ADGRD2: variants seen among roughly 807,000 people sequenced by gnomAD.
ADGRD2 encodes G protein-coupled receptor PGR24.
ADGRD2 carries 71 observed loss-of-function variants against 44.4 expected under a neutral mutation model. The ratio of observed to expected loss-of-function variants is 1.60; its 90% CI spans 1.32 to 1.95. The LOEUF is 1.95. ADGRD2 is among the 30% of genes most tolerant of loss of function. The pLI, the probability that ADGRD2 is intolerant of heterozygous loss-of-function variation, is 0.00. For missense variants in ADGRD2, 1,039 were observed against 512.4 expected (o/e 2.03, Z -9.92); for synonymous variants, 481 against 224.8 (o/e 2.14, Z -10.19).
At chr9:124,477,307 C>G (rs7869188) in intron 21 of ADGRD2, among the ~76,000 whole-genome samples, 11,617 of 152,226 alleles carry the variant, frequency 0.076, 1,255 homozygotes, top group African/African-American at 0.24. Context: ...GGGAGCCATG[C>G]GGACCCTGAC....
At chr9:124,461,082 T>C (rs1831716030) in intron 10 of ADGRD2, among the ~76,000 whole-genome samples, 2 of 152,236 alleles carry the variant, frequency 1.3e-5, no homozygotes, top group African/African-American at 4.8e-5. Flanking sequence ...ATACACTTAT[T>C]AAGCAGTCAT....
rs188478242 is a variant in ADGRD2, at chr9:124,459,997, C to T, written c.1870+1276C>T. 6.8e-3 allele frequency among the ~76,000 whole-genome samples: 1,033 copies of T among 152,090 alleles called. 3 individuals are homozygous for T. Among genetic ancestry groups the T allele is most frequent in the Admixed American group, 0.019 (290 of 15,254 alleles). ...CCAAGATATGTTAAATTTCATTTCA[C>T]GCTTAATACACAAATTTCTTCTCCC... On this transcript the variant is annotated intron_variant, in intron 10 of 21. Coordinates refer to ENST00000334810, the Ensembl canonical transcript of ADGRD2.
exon 8 of ADGRD2, chr9:124,457,587 G>C: frequency 1.5e-6 from 1 of 667,450 alleles, no homozygotes; most frequent in South Asian, 1.6e-5. Flanking sequence ...CGAGTGAAGT[G>C]AGGCGACTCC....
At chr9:124,477,204 A>G in intron 21 of ADGRD2, 1 of 385,680 alleles carries the variant, frequency 2.6e-6, no homozygotes, top group Non-Finnish European at 5.2e-6. Context: ...ACGGGGGCTG[A>G]GCAGTGGCAG....
intron 10 of ADGRD2, among the ~76,000 whole-genome samples, chr9:124,462,507 G>A (rs1041504537): frequency 6.6e-6 from 1 of 152,160 alleles, no homozygotes; most frequent in African/African-American, 2.4e-5. Context: ...ATCAATTTGG[G>A]AGAACTGGCA....
exon 22 of ADGRD2, chr9:124,478,302 A>C (rs1218476967): frequency 1.3e-5 from 2 of 152,328 alleles, no homozygotes; most frequent in Non-Finnish European, 2.9e-5. Context: ...GTGGCTGGGA[A>C]ACTCGTCGCC....
In ADGRD2 at chr9:124,474,726, G is replaced by A. The variant is rs1832012888; in HGVS notation, c.2759-720G>A. Among the ~76,000 whole-genome samples, 9 of 152,198 alleles carry A rather than the reference G, an allele frequency of 5.9e-5. No homozygotes were observed. In the South Asian group the frequency reaches 1.9e-3, roughly 31 times the overall value. On this transcript the variant is annotated intron_variant, in intron 17 of 21. Coordinates refer to ENST00000334810, the Ensembl canonical transcript of ADGRD2. ...AGGGCTGGGCCACACTGGAGCTTAG[G>A]ATCCATTCCTCTGCCCCCCACCCAC...
At chr9:124,453,427 C>A in exon 3 of ADGRD2, 1 of 647,652 alleles carries the variant, frequency 1.5e-6, no homozygotes. Context: ...CCACCCGGTG[C>A]CGTCCGGCGG....
chr9:124,456,848 C>T, intron 7 of ADGRD2, 115 bp downstream of exon 10: 2 of 668,636 alleles, frequency 3.0e-6, no homozygotes, highest in East Asian at 2.7e-5. Context: ...TGCCTTTGCC[C>T]ATGCTGTGCC....
chr9:124,472,444 GTTTGTTTGTTTGTTT>G lies in ADGRD2; in HGVS notation c.2758+1842_2758+1856del, dbSNP rs796542907. ...CTGACACTGGTTTGTTTTTTTGTTT[GTTTGTTTGTTTGTTT>G]TTTGTTTGTTTTTTGTTTTTGTTTT... On this transcript the variant is annotated intron_variant, in intron 17 of 21. Transcript: ENST00000334810. 6.6e-3 allele frequency among the ~76,000 whole-genome samples: 984 copies of G among 149,328 alleles called. 3 individuals are homozygous for G. The highest frequency in any genetic ancestry group is 0.012 in the African/African-American group (457 of 39,426).
intron 13 of ADGRD2, 68 bp from the exon 17 acceptor site, chr9:124,468,451 G>T: frequency 1.4e-6 from 1 of 714,574 alleles, no homozygotes. Flanking sequence ...GGCTGGGCAT[G>T]GGCCGCGGGG....
exon 19 of ADGRD2, chr9:124,475,598 G>A (rs1237603036): frequency 2.9e-6 from 2 of 689,190 alleles, no homozygotes; most frequent in African/African-American, 1.8e-5. Context: ...GAGGATGGCT[G>A]AGAAGAAGGT....
Position 124,468,516 on chromosome 9 carries a change from C to T in ADGRD2, c.2234-3C>T. 1 of 718,518 alleles carries T rather than the reference C, an allele frequency of 1.4e-6. No individual in the cohort carries two copies. Among genetic ancestry groups the T allele is most frequent in the Non-Finnish European group, 2.6e-6 (1 of 385,096 alleles). The allele number at this position is 718,518 out of a possible 1,614,324, so 44.5% of individuals were successfully genotyped here. A position where few individuals can be genotyped will look rare whatever the true frequency, so the allele number is the denominator to read the frequency against. On this transcript the variant is annotated splice_polypyrimidine_tract_variant and splice_region_variant and intron_variant, in intron 13 of 21. Transcript: ENST00000334810. ...CTGGGTGGGGATCCTGACCCTCCCACAGGTGGCATGTGTGGCTGTCACAGT... is the reference window on the plus strand; with the variant it reads ...CTGGGTGGGGATCCTGACCCTCCCATAGGTGGCATGTGTGGCTGTCACAGT...
chr9:124,465,607 C>T (rs1831805781), intron 10 of ADGRD2: 1 of 152,164 alleles, frequency 6.6e-6, no homozygotes, highest in South Asian at 2.1e-4. Flanking sequence ...CCACCTCAGC[C>T]TCCCAAAGTG....
Position 124,454,086 on chromosome 9 carries a change from G to T in ADGRD2, c.1013G>T (p.Cys338Phe). Residue 338 changes from cysteine (C) to phenylalanine (F), a missense_variant, in exon 4 of 22, where the codon TGC becomes TTC. Physicochemically the swap from Cys to Phe is radical, Grantham distance 205 (BLOSUM62 -2). Transcript: ENST00000334810. The surrounding 1 kb of genome is among the most constrained non-coding windows in gnomAD (Gnocchi z 4.5). ...CTGGAGCCGCAGCCCTTCCTCTGCTGCTACCGGACAGGTGCGCCCTGGCTG... is the reference window on the plus strand; with the variant it reads ...CTGGAGCCGCAGCCCTTCCTCTGCTTCTACCGGACAGGTGCGCCCTGGCTG... The T allele has an allele frequency of 1.4e-6, 1 of 708,166 alleles. No homozygotes were observed. The highest frequency in any genetic ancestry group is 1.5e-5 in the South Asian group (1 of 66,150). 43.9% of individuals were successfully genotyped at this position (708,166 alleles called of 1,614,324 possible).
Position 124,469,564 on chromosome 9 carries a change from G to C in ADGRD2, c.2637+17G>C, listed in dbSNP as rs1831904276. ...CCAGATATGGTGAGGCCCCAGAATG[G>C]GGGGCCAGCAGGAAGCAGGAAGTGC... On this transcript the variant is annotated intron_variant, in intron 16 of 21. Coordinates refer to ENST00000334810, the Ensembl canonical transcript of ADGRD2. 1 of 717,132 alleles carries C rather than the reference G, an allele frequency of 1.4e-6. No homozygotes were observed. 44.4% of individuals were successfully genotyped at this position (717,132 alleles called of 1,614,324 possible). A position where few individuals can be genotyped will look rare whatever the true frequency, so the allele number is the denominator to read the frequency against.
At position 124,469,518 on chromosome 9, in the gene ADGRD2, C is replaced by A. The variant is rs369356709; in HGVS notation, c.2610C>A (p.Cys870Ter). The A allele has an allele frequency of 4.2e-6, 3 of 718,062 alleles. No homozygotes were observed. The highest frequency in any genetic ancestry group is 7.8e-6 in the Non-Finnish European group (3 of 385,110). 44.5% of individuals were successfully genotyped at this position (718,062 alleles called of 1,614,324 possible). A position where few individuals can be genotyped will look rare whatever the true frequency, so the allele number is the denominator to read the frequency against. Reference sequence around the variant, plus strand: ...CCCGCATGTTGAGCCCACAGCCCTGCCTGCAGCAGCAGATCTGGACCCAGA... The same window carrying A: ...CCCGCATGTTGAGCCCACAGCCCTGACTGCAGCAGCAGATCTGGACCCAGA... The change falls in exon 16 of 22, where the codon TGC becomes TGA. Residue 870 changes from cysteine to a stop codon, truncating the protein, a stop_gained. Coordinates refer to ENST00000334810, the Ensembl canonical transcript of ADGRD2. LOFTEE classifies it high-confidence loss of function.
upstream of ADGRD2, chr9:124,451,009 C>A: frequency 2.1e-6 from 1 of 469,312 alleles, no homozygotes; most frequent in Non-Finnish European, 4.4e-6. Flanking sequence ...CCCCGCTGAG[C>A]ACAGCGTCTG....
chr9:124,451,997 G>GCCGGGGGGGGGCCCCC, upstream of ADGRD2: 2 of 360,938 alleles, frequency 5.5e-6, no homozygotes, highest in Non-Finnish European at 1.1e-5. Context: ...TCCACTGAAT[G>GCCGGGGGGGGGCCCCC]CCCCCCTCCC....
Sources: allele counts gnomAD v4.1 joint callset (sites outside exome capture counted in the v4.1 genomes callset), GRCh38; gene constraint gnomAD v4.1.1; non-coding constraint Gnocchi (gnomAD v3.1); transcripts MANE v1.5; gene names NCBI Gene and HGNC (gene_info 2026-07-23, HGNC 2026-07-21).